The following DPP6 variants were observed in gnomAD, a reference collection of about 807,000 sequenced individuals.
The protein encoded by DPP6 is A-type potassium channel modulatory protein DPP6.
DPP6 carries 69 observed loss-of-function variants against 122.6 expected under a neutral mutation model. The ratio of observed to expected loss-of-function variants is 0.56; its 90% CI spans 0.46 to 0.69. The LOEUF (loss-of-function observed/expected upper bound fraction) is 0.69. Among genes scored for constraint, DPP6 ranks in the 30% least tolerant of loss-of-function variants. The pLI, the probability that DPP6 is intolerant of heterozygous loss-of-function variation, is 0.00. For synonymous variants in DPP6, 418 were observed against 433.1 expected (o/e 0.97, Z 0.43); for missense variants, 928 against 1,116.9 (o/e 0.83, Z 2.41).
At chr7:153,920,453 C>T (rs939199960) in intron 1 of DPP6, among the ~76,000 whole-genome samples, 2 of 151,746 alleles carry the variant, frequency 1.3e-5, no homozygotes, top group African/African-American at 4.8e-5. Flanking sequence ...CTCAAAGCAG[C>T]GAGAAAGGTT....
chr7:153,921,135 C>G (rs1471738721), intron 1 of DPP6, among the ~76,000 whole-genome samples: 1 of 152,234 alleles, frequency 6.6e-6, no homozygotes, highest in African/African-American at 2.4e-5. Flanking sequence ...GGCTGTGTCT[C>G]TCTTTTTCTG....
chr7:153,904,189 C>G (rs1799751904), intron 1 of DPP6, among the ~76,000 whole-genome samples: 2 of 152,144 alleles, frequency 1.3e-5, no homozygotes, highest in Admixed American at 1.3e-4. Context: ...GTAGCTGGGA[C>G]TACAGGCACG....
chr7:154,086,752 G>A (rs1391678241), intron 1 of DPP6, among the ~76,000 whole-genome samples: 1 of 151,820 alleles, frequency 6.6e-6, no homozygotes, highest in Non-Finnish European at 1.5e-5. Flanking sequence ...CTGAGTAGCT[G>A]GCATTACAGG....
chr7:154,010,470 A>T (rs1193410972), intron 1 of DPP6, among the ~76,000 whole-genome samples: 1 of 152,222 alleles, frequency 6.6e-6, no homozygotes, highest in Non-Finnish European at 1.5e-5. Flanking sequence ...TTTATTTATC[A>T]TAATCTCTAC....
At chr7:154,455,020 G>A (rs1820704179) in intron 2 of DPP6, among the ~76,000 whole-genome samples, 1 of 152,132 alleles carries the variant, frequency 6.6e-6, no homozygotes. Flanking sequence ...GCCAGTCCAA[G>A]GCAGATTCAG....
intron 1 of DPP6, among the ~76,000 whole-genome samples, chr7:154,091,543 C>T (rs1585356585): frequency 1.3e-5 from 2 of 152,226 alleles, no homozygotes; most frequent in Middle Eastern, 3.4e-3. Context: ...AGTTGTGTCC[C>T]GTCAGAAGCA....
chr7:154,409,672 T>C (rs985008619), intron 1 of DPP6, among the ~76,000 whole-genome samples: 1 of 152,226 alleles, frequency 6.6e-6, no homozygotes, highest in African/African-American at 2.4e-5. Flanking sequence ...TACAAGATGT[T>C]CCAGGTTTGT....
intron 8 of DPP6, among the ~76,000 whole-genome samples, chr7:154,765,573 A>G (rs1795842018): frequency 6.6e-6 from 1 of 152,162 alleles, no homozygotes; most frequent in Admixed American, 6.5e-5. Context: ...ACTCCAGATA[A>G]TGGCACTGGC....
the DPP6 span, among the ~76,000 whole-genome samples, chr7:153,862,736 G>A: frequency 1.3e-5 from 2 of 151,812 alleles, no homozygotes; most frequent in Admixed American, 1.3e-4. Flanking sequence ...TAGTATTTTA[G>A]GTTTCTCCAT....
At chr7:154,468,399 A>G (rs1360919841) in intron 2 of DPP6, among the ~76,000 whole-genome samples, 2 of 152,222 alleles carry the variant, frequency 1.3e-5, no homozygotes, top group Non-Finnish European at 2.9e-5. Flanking sequence ...GTAATGGTGC[A>G]CAACTCTGAA....
At chr7:154,794,440 G>T (rs962915068) in intron 11 of DPP6, among the ~76,000 whole-genome samples, 1 of 152,206 alleles carries the variant, frequency 6.6e-6, no homozygotes, top group Non-Finnish European at 1.5e-5. Flanking sequence ...GAGGCGCCCC[G>T]TGCCTGGCAC....
chr7:154,840,921 G>T (rs1044420603), intron 16 of DPP6, among the ~76,000 whole-genome samples: 2 of 152,160 alleles, frequency 1.3e-5, no homozygotes, highest in South Asian at 4.1e-4. Flanking sequence ...TCCTATCGGC[G>T]ACTGTCAATT....
chr7:154,265,644 C>T (rs11772266), intron 1 of DPP6, among the ~76,000 whole-genome samples: 13,119 of 152,072 alleles, frequency 0.086, 584 homozygotes, highest in Middle Eastern at 0.13. Context: ...ATAATGTAGC[C>T]GACTTACACA....
At chr7:154,014,611 G>A (rs1462081927) in intron 1 of DPP6, among the ~76,000 whole-genome samples, 2 of 151,866 alleles carry the variant, frequency 1.3e-5, no homozygotes, top group Admixed American at 6.6e-5. Context: ...GTAGTGAGCC[G>A]AGATTTTGCC....
intron 4 of DPP6, among the ~76,000 whole-genome samples, chr7:154,557,432 G>T (rs1298667556): frequency 1.3e-5 from 2 of 152,138 alleles, no homozygotes; most frequent in Non-Finnish European, 2.9e-5. Context: ...CCCCACTGTT[G>T]CCACTCTTGT....
At chr7:154,598,565 C>T (rs1407190464) in intron 5 of DPP6, among the ~76,000 whole-genome samples, 1 of 152,204 alleles carries the variant, frequency 6.6e-6, no homozygotes, top group African/African-American at 2.4e-5. Context: ...AAATAGATGA[C>T]AGCACGTCTG....
intron 1 of DPP6, among the ~76,000 whole-genome samples, chr7:154,371,157 C>T (rs371481385): frequency 6.6e-6 from 1 of 151,912 alleles, no homozygotes; most frequent in Non-Finnish European, 1.5e-5. Context: ...GTGGGCGGAT[C>T]GCTTGAGGTT....
intron 1 of DPP6, among the ~76,000 whole-genome samples, chr7:154,061,031 C>T (rs778876613): frequency 3.7e-4 from 55 of 148,824 alleles, no homozygotes; most frequent in Admixed American, 2.0e-3. Flanking sequence ...CTTCTGACGG[C>T]AGGTACCTTA....
At chr7:153,828,838 GA>G in the DPP6 span, among the ~76,000 whole-genome samples, 1 of 152,126 alleles carries the variant, frequency 6.6e-6, no homozygotes, top group Non-Finnish European at 1.5e-5. Flanking sequence ...AAATGATCTT[GA>G]AAACATAATA....
Sources: allele counts gnomAD v4.1 joint callset (sites outside exome capture counted in the v4.1 genomes callset), GRCh38; gene constraint gnomAD v4.1.1; transcripts MANE v1.5; gene names NCBI Gene and HGNC (gene_info 2026-07-23, HGNC 2026-07-21).